EVL: variants seen among roughly 807,000 people sequenced by gnomAD.
EVL encodes the protein ena/VASP-like protein.
A neutral mutation model predicts 59.6 loss-of-function variants in EVL; 21 were observed. The ratio of observed to expected loss-of-function variants is 0.35; its 90% CI spans 0.25 to 0.51. The LOEUF (loss-of-function observed/expected upper bound fraction) is 0.51, where lower values mean the gene tolerates loss of function less well. Among genes scored for constraint, EVL ranks in the 20% least tolerant of loss-of-function variants. The pLI, the probability that EVL is intolerant of heterozygous loss-of-function variation, is 0.97. For missense variants in EVL, 462 were observed against 546.6 expected (o/e 0.85, Z 1.54); for synonymous variants, 198 against 203.5 (o/e 0.97, Z 0.23).
intron 1 of EVL, among the ~76,000 whole-genome samples, chr14:100,026,534 C>A (rs1352132278): frequency 1.3e-5 from 2 of 152,146 alleles, no homozygotes; most frequent in Admixed American, 6.5e-5. Context: ...CTGGCACGTG[C>A]TCCACAGATG....
At chr14:99,981,297 T>G (rs1566961554) in intron 1 of EVL, among the ~76,000 whole-genome samples, 1 of 152,104 alleles carries the variant, frequency 6.6e-6, no homozygotes, top group Non-Finnish European at 1.5e-5. Context: ...CCAGGCGTGG[T>G]GGCGGGCGCC....
intron 2 of EVL, among the ~76,000 whole-genome samples, chr14:100,093,578 G>A (rs1333702000): frequency 6.6e-6 from 1 of 152,178 alleles, no homozygotes; most frequent in African/African-American, 2.4e-5. Context: ...AGAAACGGCA[G>A]GGCCAGGGGC....
chr14:100,132,857 C>G lies in EVL; in HGVS notation c.900+78C>G, dbSNP rs76100920. The G allele has an allele frequency of 2.4e-3, 3,740 of 1,541,376 alleles. 74 individuals carry two copies. The African/African-American group carries it at 0.044, about 18-fold the overall frequency. The stretch of plus-strand genomic sequence containing the variant: ...GCCAGGGAGGCTCTCTGGTCTCAGG[C>G]GAGGCCTTTGGGACATGCGTGGGAT... On this transcript the variant is annotated intron_variant, in intron 8 of 13. Coordinates refer to ENST00000392920, the MANE Select transcript of EVL (RefSeq NM_016337.3).
At chr14:99,990,182 A>C (rs976662199) in intron 1 of EVL, among the ~76,000 whole-genome samples, 2 of 152,146 alleles carry the variant, frequency 1.3e-5, no homozygotes, top group African/African-American at 2.4e-5. Flanking sequence ...TGAATCACAA[A>C]TATTCTTAAT....
chr14:100,116,445 G>C lies in EVL; in HGVS notation c.359-7094G>C, dbSNP rs530085729. ...GAGCCCCAGGGAGACTTCCCATAGA[G>C]ACTAACTGGAAACTGAGCCCATCCC... On this transcript the variant is annotated intron_variant, in intron 3 of 13. Coordinates refer to ENST00000392920, the MANE Select transcript of EVL (RefSeq NM_016337.3). Among the ~76,000 whole-genome samples, 3 of 152,322 alleles carry C rather than the reference G, an allele frequency of 2.0e-5. No homozygotes were observed. In the South Asian group the frequency reaches 6.2e-4, roughly 32 times the overall value.
At chr14:100,094,388 A>C (rs1405924221) in intron 2 of EVL, among the ~76,000 whole-genome samples, 1 of 152,172 alleles carries the variant, frequency 6.6e-6, no homozygotes, top group Non-Finnish European at 1.5e-5. Flanking sequence ...GGAAAAAAAG[A>C]AAAATTCTCA....
At position 99,990,896 on chromosome 14, in the gene EVL, G is replaced by T. The variant is rs117419770; in HGVS notation, c.5+18839G>T. ...GGAAATGGTTCTGGATATATATATAGAGAGAGAGGGGGTGTGTATGTGTGT... is the reference window on the plus strand; with the variant it reads ...GGAAATGGTTCTGGATATATATATATAGAGAGAGGGGGTGTGTATGTGTGT... On this transcript the variant is annotated intron_variant, in intron 1 of 13. Coordinates refer to the EVL transcript ENST00000402714. Among the ~76,000 whole-genome samples the T allele has an allele frequency of 9.6e-3, 1,454 of 152,128 alleles. 9 individuals carry two copies. Among genetic ancestry groups the T allele is most frequent in the African/African-American group, 0.016 (678 of 41,484 alleles).
Position 100,135,821 on chromosome 14 carries a change from CTG to C in EVL, c.901-83_901-82del, listed in dbSNP as rs1333726178. On this transcript the variant is annotated intron_variant, in intron 8 of 13. Coordinates refer to ENST00000392920, the MANE Select transcript of EVL (RefSeq NM_016337.3). ...GTGTTCATTGGGAACATTTGGAAAA[CTG>C]AGGTTTTATGAAGTGTCCAATGATG... is the stretch of plus-strand genomic sequence containing the variant. 45 of 1,202,596 alleles carry C rather than the reference CTG, an allele frequency of 3.7e-5. No homozygotes were observed. The Admixed American group carries it at 7.1e-4, about 19-fold the overall frequency. 74.5% of individuals were successfully genotyped at this position (1,202,596 alleles called of 1,614,324 possible).
At chr14:99,990,410 GTA>G (rs900874852) in intron 1 of EVL, among the ~76,000 whole-genome samples, 4 of 152,098 alleles carry the variant, frequency 2.6e-5, no homozygotes, top group Non-Finnish European at 5.9e-5. Flanking sequence ...TTAGCGTTAA[GTA>G]TATGCACATT....
intron 3 of EVL, among the ~76,000 whole-genome samples, chr14:100,104,534 C>G (rs1191911645): frequency 6.6e-6 from 1 of 152,252 alleles, no homozygotes; most frequent in Non-Finnish European, 1.5e-5. Context: ...AAGGAGCTCT[C>G]CACACTAGTG....
chr14:100,026,968 A>T (rs1191433615), intron 1 of EVL, among the ~76,000 whole-genome samples: 3 of 152,234 alleles, frequency 2.0e-5, no homozygotes, highest in Non-Finnish European at 4.4e-5. Flanking sequence ...TGCAGAGGGC[A>T]GACAGACCAG....
At chr14:100,047,832 G>C (rs1181077993) in intron 1 of EVL, among the ~76,000 whole-genome samples, 1 of 152,162 alleles carries the variant, frequency 6.6e-6, no homozygotes, top group African/African-American at 2.4e-5. Context: ...AAAATGCCAA[G>C]TGATGTTTGA....
chr14:100,065,986 G>A (rs949525893), intron 1 of EVL, among the ~76,000 whole-genome samples: 2 of 152,168 alleles, frequency 1.3e-5, no homozygotes, highest in Non-Finnish European at 2.9e-5. Flanking sequence ...CCCTCCACTT[G>A]AGAGACTTGT....
chr14:100,109,615 A>G lies in EVL; in HGVS notation c.358+11957A>G. ...ATTGCATCCTTCTCTGCAGACTAAG[A>G]TGGAGTTCCTGAACCAAGACCGCTT... is the stretch of plus-strand genomic sequence containing the variant. On this transcript the variant is annotated intron_variant, in intron 3 of 13. Coordinates refer to ENST00000392920, the MANE Select transcript of EVL (RefSeq NM_016337.3). The surrounding 1 kb of genome is among the most constrained non-coding windows in gnomAD (Gnocchi z 4.3). The G allele has an allele frequency of 2.0e-6, 1 of 512,050 alleles. No homozygotes were observed. The highest frequency in any genetic ancestry group is 1.5e-5 in the South Asian group (1 of 68,070). The allele number at this position is 512,050 out of a possible 1,614,324, so 31.7% of individuals were successfully genotyped here. A position where few individuals can be genotyped will look rare whatever the true frequency, so the allele number is the denominator to read the frequency against.
chr14:99,991,908 G>A (rs1261465012), intron 1 of EVL, among the ~76,000 whole-genome samples: 1 of 151,714 alleles, frequency 6.6e-6, no homozygotes, highest in Non-Finnish European at 1.5e-5. Flanking sequence ...CAGCTGTGTG[G>A]TGGGAGGGTG....
intron 1 of EVL, among the ~76,000 whole-genome samples, chr14:100,080,062 C>CTT (rs371508011): frequency 7.1e-6 from 1 of 140,934 alleles, no homozygotes; most frequent in Non-Finnish European, 1.6e-5. Context: ...ATGTGTTTTG[C>CTT]TTTTTTTTTT....
intron 1 of EVL, among the ~76,000 whole-genome samples, chr14:100,023,289 C>T (rs2061157474): frequency 6.6e-6 from 1 of 151,188 alleles, no homozygotes; most frequent in South Asian, 2.1e-4. Context: ...ACTGCAACCT[C>T]CACATCCCAA....
chr14:100,102,902 C>G (rs1886314358), intron 3 of EVL, among the ~76,000 whole-genome samples: 2 of 152,086 alleles, frequency 1.3e-5, no homozygotes, highest in South Asian at 4.2e-4. Flanking sequence ...TCAAGACCAT[C>G]CTGGCCAACA....
chr14:100,066,911 A>G (rs930773280), intron 1 of EVL, among the ~76,000 whole-genome samples: 9 of 152,184 alleles, frequency 5.9e-5, no homozygotes, highest in East Asian at 1.9e-4. Context: ...TATGTTTTCT[A>G]TGTATTCCTT....
Sources: gnomAD v4.1 joint callset for allele counts (sites outside exome capture counted in the v4.1 genomes callset) on GRCh38, gnomAD v4.1.1 for gene constraint, Gnocchi (gnomAD v3.1) non-coding constraint, MANE v1.5 for transcripts, NCBI Gene and HGNC (gene_info 2026-07-23, HGNC 2026-07-21) for gene names.